Variants in GJA3 observed in about 807,000 individuals in gnomAD.
GJA3 encodes the protein gap junction alpha-3 protein.
For synonymous variants in GJA3, 297 were observed against 292.6 expected (o/e 1.02, Z -0.15); for missense variants, 571 against 620.3 (o/e 0.92, Z 0.84).
At chr13:20,146,009 G>A (rs1958840077) in intron 1 of GJA3, among the ~76,000 whole-genome samples, 1 of 152,218 alleles carries the variant, frequency 6.6e-6, no homozygotes. Context: ...GACGGGGCAG[G>A]CATGGGCATC....
At position 20,138,785 on chromosome 13, in the gene GJA3, T is replaced by C. The variant is rs1958790951; in HGVS notation, c.*3196A>G. 1 of 152,156 alleles carries C rather than the reference T, an allele frequency of 6.6e-6. No individual in the cohort carries two copies. The highest frequency in any genetic ancestry group is 2.1e-4 in the South Asian group (1 of 4,828). 9.4% of individuals were successfully genotyped at this position (152,156 alleles called of 1,614,324 possible). A position where few individuals can be genotyped will look rare whatever the true frequency, so the allele number is the denominator to read the frequency against. ...GATTCATGAATTAGTGTTACAAATA[T>C]CAGAAGTTCAAAAAATTCAGAAAAA... On this transcript the variant is annotated 3_prime_UTR_variant, in exon 2 of 2. Transcript: ENST00000241125.
At position 20,141,925 on chromosome 13, in the gene GJA3, T is replaced by C; in HGVS notation, c.*56A>G. 1 of 1,538,376 alleles carries C rather than the reference T, an allele frequency of 6.5e-7. No individual in the cohort carries two copies. The highest frequency in any genetic ancestry group is 1.7e-4 in the Middle Eastern group (1 of 5,938). ...CTGCTGGTGGGAAGTGCACTTTGGT[T>C]TTGGTTTCTAAGAAAAAGATCACTA... On this transcript the variant is annotated 3_prime_UTR_variant, in exon 2 of 2. Transcript: ENST00000241125.
At chr13:20,155,492 TTA>T (rs1392649040) in intron 1 of GJA3, among the ~76,000 whole-genome samples, 6 of 152,136 alleles carry the variant, frequency 3.9e-5, no homozygotes, top group African/African-American at 7.2e-5. Context: ...ATTTTCCACT[TTA>T]TGTTTCAAAT....
At chr13:20,153,745 C>G (rs989364831) in intron 1 of GJA3, among the ~76,000 whole-genome samples, 2 of 151,196 alleles carry the variant, frequency 1.3e-5, no homozygotes, top group African/African-American at 4.9e-5. Context: ...AACAAACCTG[C>G]ACATTGTGCA....
At chr13:20,148,293 T>A (rs906599662) in intron 1 of GJA3, among the ~76,000 whole-genome samples, 15 of 148,560 alleles carry the variant, frequency 1.0e-4, no homozygotes, top group Non-Finnish European at 2.2e-4. Flanking sequence ...AGTCTCATTC[T>A]GTCGCTCAGG....
Position 20,139,520 on chromosome 13 carries a change from G to GGATA in GJA3, c.*2457_*2460dup, listed in dbSNP as rs1958795306. Reference sequence around the variant, plus strand: ...AGAAGGACCCAGCCTTTAGAATCATGGATACCTCAAAGAGCAAAAGGATGT... The same window carrying GGATA: ...AGAAGGACCCAGCCTTTAGAATCATGGATAGATACCTCAAAGAGCAAAAGGATGT... On this transcript the variant is annotated 3_prime_UTR_variant, in exon 2 of 2. Transcript: ENST00000241125. The GGATA allele has an allele frequency of 2.0e-5, 3 of 152,134 alleles. No individual in the cohort carries two copies. The South Asian group carries it at 6.2e-4, about 32-fold the overall frequency. 9.4% of individuals were successfully genotyped at this position (152,134 alleles called of 1,614,324 possible). A position where few individuals can be genotyped will look rare whatever the true frequency, so the allele number is the denominator to read the frequency against.
intron 1 of GJA3, among the ~76,000 whole-genome samples, chr13:20,152,201 G>A (rs1171270374): frequency 6.6e-6 from 1 of 152,092 alleles, no homozygotes; most frequent in East Asian, 1.9e-4. Context: ...GAGGAAACGG[G>A]GGCGACAGTA....
chr13:20,144,180 G>C (rs1237911830), intron 1 of GJA3, among the ~76,000 whole-genome samples: 1 of 152,170 alleles, frequency 6.6e-6, no homozygotes, highest in East Asian at 1.9e-4. Context: ...ATCCACTGAC[G>C]ACCACCTGAA....
chr13:20,139,580 C>G lies in GJA3; in HGVS notation c.*2401G>C, dbSNP rs1958795715. ...GTTCATTTCTTACATGAACTGAAAT[C>G]AGTATGCTAACCTGAAAAAACACCA... On this transcript the variant is annotated 3_prime_UTR_variant, in exon 2 of 2. Coordinates refer to ENST00000241125, the MANE Select transcript of GJA3 (RefSeq NM_021954.4). 6.6e-6 allele frequency: 1 copy of G among 152,152 alleles called. No homozygotes were observed. The highest frequency in any genetic ancestry group is 1.5e-5 in the Non-Finnish European group (1 of 68,018). 9.4% of individuals were successfully genotyped at this position (152,152 alleles called of 1,614,324 possible). A position where few individuals can be genotyped will look rare whatever the true frequency, so the allele number is the denominator to read the frequency against.
Position 20,138,556 on chromosome 13 carries a change from C to A in GJA3, c.*3425G>T, listed in dbSNP as rs1442548118. 1.3e-5 allele frequency: 2 copies of A among 152,128 alleles called. No individual in the cohort carries two copies. The highest frequency in any genetic ancestry group is 3.9e-4 in the East Asian group (2 of 5,192). The allele number at this position is 152,128 out of a possible 1,614,324, so 9.4% of individuals were successfully genotyped here. The stretch of plus-strand genomic sequence containing the variant: ...TTAAAGTGAGTCAACCCAAGATTTG[C>A]ACTGTAATATAAAATTAGGAAGAAA... On this transcript the variant is annotated 3_prime_UTR_variant, in exon 2 of 2. Transcript: ENST00000241125.
intron 1 of GJA3, among the ~76,000 whole-genome samples, chr13:20,158,508 T>C (rs1294891174): frequency 1.3e-5 from 2 of 151,962 alleles, no homozygotes; most frequent in African/African-American, 2.4e-5. Flanking sequence ...CATTAGTTTG[T>C]TAACAGTAAA....
intron 1 of GJA3, among the ~76,000 whole-genome samples, chr13:20,145,705 A>G (rs566830418): frequency 5.3e-5 from 8 of 152,294 alleles, no homozygotes; most frequent in African/African-American, 1.4e-4. Context: ...CTGTTTCTCC[A>G]ACCTAAAGCC....
chr13:20,143,369 G>T, intron 1 of GJA3, 64 bp from the exon 2 acceptor site: 1 of 1,219,884 alleles, frequency 8.2e-7, no homozygotes, highest in South Asian at 1.6e-5. Context: ...CCGCACCCAT[G>T]GGCGGCGGCA....
At chr13:20,161,274 G>A (rs1238338722), upstream of GJA3, among the ~76,000 whole-genome samples, 1 of 152,168 alleles carries the variant, frequency 6.6e-6, no homozygotes, top group African/African-American at 2.4e-5. Flanking sequence ...ACCTGCGCGG[G>A]CCCTGGGGAT....
In GJA3 at chr13:20,140,250, T is replaced by C. The variant is rs1958799622; in HGVS notation, c.*1731A>G. 3 of 152,140 alleles carry C rather than the reference T, an allele frequency of 2.0e-5. No individual in the cohort carries two copies. Among genetic ancestry groups the C allele is most frequent in the Admixed American group, 6.6e-5 (1 of 15,256 alleles). 9.4% of individuals were successfully genotyped at this position (152,140 alleles called of 1,614,324 possible). On this transcript the variant is annotated 3_prime_UTR_variant, in exon 2 of 2. Coordinates refer to ENST00000241125, the MANE Select transcript of GJA3 (RefSeq NM_021954.4). Reference sequence around the variant, plus strand: ...TGGAAAAGTTAGCATTTTTCAAGCCTAGGAGCCTGTCCAGTGCATCCTACA... The same window carrying C: ...TGGAAAAGTTAGCATTTTTCAAGCCCAGGAGCCTGTCCAGTGCATCCTACA...
rs2141136395 is a variant in GJA3, at chr13:20,140,596, C to T, written c.*1385G>A. The T allele has an allele frequency of 6.6e-6, 1 of 152,320 alleles. No homozygotes were observed. Among genetic ancestry groups the T allele is most frequent in the South Asian group, 2.1e-4 (1 of 4,826 alleles). 9.4% of individuals were successfully genotyped at this position (152,320 alleles called of 1,614,324 possible). A position where few individuals can be genotyped will look rare whatever the true frequency, so the allele number is the denominator to read the frequency against. ...TTATAAACAAATGGTGACCAAGATA[C>T]TACAGCTGTGTGTGCAGGACAGAAA... On this transcript the variant is annotated 3_prime_UTR_variant, in exon 2 of 2. Coordinates refer to ENST00000241125, the MANE Select transcript of GJA3 (RefSeq NM_021954.4).
intron 1 of GJA3, among the ~76,000 whole-genome samples, chr13:20,143,943 C>T (rs940028234): frequency 1.3e-5 from 2 of 152,116 alleles, no homozygotes; most frequent in African/African-American, 4.8e-5. Flanking sequence ...GACTTACTCC[C>T]CTTTTTTAAA....
chr13:20,148,524 G>A (rs548951386), intron 1 of GJA3, among the ~76,000 whole-genome samples: 2 of 152,298 alleles, frequency 1.3e-5, no homozygotes, highest in East Asian at 3.9e-4. Flanking sequence ...CTCCTACAGT[G>A]CTGGGATTAC....
intron 1 of GJA3, among the ~76,000 whole-genome samples, chr13:20,144,584 C>T (rs1958831656): frequency 6.6e-6 from 1 of 152,168 alleles, no homozygotes; most frequent in African/African-American, 2.4e-5. Context: ...AGGCCCAATT[C>T]AGCAAGTGTT....
Sources: allele counts gnomAD v4.1 joint callset (sites outside exome capture counted in the v4.1 genomes callset), GRCh38; gene constraint gnomAD v4.1.1; transcripts MANE v1.5; gene names NCBI Gene and HGNC (gene_info 2026-07-23, HGNC 2026-07-21).